Variants in CELF1 observed in about 807,000 individuals in gnomAD.
CELF1 encodes the protein CUGBP Elav-like family member 1, also known as 50 kDa nuclear polyadenylated RNA-binding protein.
A neutral mutation model predicts 61.8 loss-of-function variants in CELF1; 10 were observed. That is an observed-to-expected ratio of 0.16 (90% confidence interval 0.10 to 0.27). The LOEUF (loss-of-function observed/expected upper bound fraction) is 0.27. CELF1 is among the 10% of genes least tolerant of loss of function. The pLI is 1.00. For synonymous variants in CELF1, 236 were observed against 225.1 expected (o/e 1.05, Z -0.43); for missense variants, 380 against 639.1 (o/e 0.59, Z 4.37).
rs1427074519 is a variant in CELF1, at chr11:47,485,888, G to A, written c.391+862C>T. On this transcript the variant is annotated intron_variant, in intron 6 of 14. Transcript: ENST00000687097. ...ATCTTCTTGAGAATTAAGGCCAGGC[G>A]TGGTGGCTCACGCCTGTAATCCCAG... 3.4e-5 allele frequency among the ~76,000 whole-genome samples: 5 copies of A among 148,110 alleles called. No homozygotes were observed. In the East Asian group the frequency reaches 6.3e-4, roughly 19 times the overall value.
chr11:47,471,147 A>AG lies in CELF1; in HGVS notation c.*1082dup, dbSNP rs1595972620. On this transcript the variant is annotated 3_prime_UTR_variant, in exon 15 of 15. Transcript: ENST00000687097. Reference sequence around the variant, plus strand: ...TGGCAAATGAAGCATACTGGCTTGCAGGGACCTTCTGATTCAAGTACACCA... The same window carrying AG: ...TGGCAAATGAAGCATACTGGCTTGCAGGGGACCTTCTGATTCAAGTACACCA... 6.6e-6 allele frequency: 1 copy of AG among 152,260 alleles called. No homozygotes were observed. Among genetic ancestry groups the AG allele is most frequent in the East Asian group, 1.9e-4 (1 of 5,196 alleles). The allele number at this position is 152,260 out of a possible 1,614,324, so 9.4% of individuals were successfully genotyped here.
At chr11:47,556,635 C>G (rs1167557133), upstream of CELF1, among the ~76,000 whole-genome samples, 1 of 152,164 alleles carries the variant, frequency 6.6e-6, no homozygotes, top group Non-Finnish European at 1.5e-5. Context: ...ACCCTGGAGG[C>G]CAAGGCAGGA....
chr11:47,534,420 G>A (rs760217515), intron 1 of CELF1, among the ~76,000 whole-genome samples: 1 of 150,434 alleles, frequency 6.6e-6, no homozygotes, highest in Non-Finnish European at 1.5e-5. Context: ...AAATATATCA[G>A]ACACAAAATT....
intron 1 of CELF1, among the ~76,000 whole-genome samples, chr11:47,531,365 A>ATCCT (rs1209961971): frequency 1.2e-4 from 18 of 152,064 alleles, no homozygotes; most frequent in Non-Finnish European, 2.5e-4. Flanking sequence ...GTTACAAGAT[A>ATCCT]GAGACCATCC....
intron 1 of CELF1, among the ~76,000 whole-genome samples, chr11:47,547,382 T>C (rs1295040498): frequency 6.6e-6 from 1 of 151,840 alleles, no homozygotes; most frequent in African/African-American, 2.4e-5. Context: ...AACACAGCCA[T>C]AAAAGGAAAT....
At chr11:47,503,829 C>T (rs180843445) in intron 1 of CELF1, among the ~76,000 whole-genome samples, 107 of 152,290 alleles carry the variant, frequency 7.0e-4, no homozygotes, top group Admixed American at 3.1e-3. Context: ...ATCTCTGTGG[C>T]ATTTCACTTT....
chr11:47,526,432 C>T (rs1426737285), intron 1 of CELF1, among the ~76,000 whole-genome samples: 2 of 152,190 alleles, frequency 1.3e-5, no homozygotes, highest in Non-Finnish European at 2.9e-5. Flanking sequence ...GTGGTTTCAA[C>T]CTGAAATGTT....
rs538656170 is a variant in CELF1, at chr11:47,506,583, C to T, written c.-153-5651G>A. On this transcript the variant is annotated intron_variant, in intron 1 of 14. Coordinates refer to ENST00000687097, the MANE Select transcript of CELF1 (RefSeq NM_001376376.1). ...CTCCCGGCTCCCTCCAACATACACA[C>T]GCTCACCGCAACAGCTGTAAGAACT... 1.5e-4 allele frequency among the ~76,000 whole-genome samples: 23 copies of T among 152,340 alleles called. No individual in the cohort carries two copies. The South Asian group carries it at 1.7e-3, about 11-fold the overall frequency.
intron 1 of CELF1, among the ~76,000 whole-genome samples, chr11:47,531,187 C>T (rs2096460337): frequency 1.3e-5 from 2 of 152,050 alleles, no homozygotes; most frequent in Admixed American, 6.6e-5. Context: ...GTCGATGTTA[C>T]AGTGAGCTGA....
chr11:47,539,577 G>A (rs1365136807), intron 1 of CELF1, among the ~76,000 whole-genome samples: 4 of 152,214 alleles, frequency 2.6e-5, no homozygotes, highest in Admixed American at 1.3e-4. Flanking sequence ...TCCCTGACAA[G>A]ATGATTCTAA....
chr11:47,561,636 T>C (rs978079253), intron 2 of CELF1, among the ~76,000 whole-genome samples: 2 of 152,150 alleles, frequency 1.3e-5, no homozygotes, highest in African/African-American at 4.8e-5. Flanking sequence ...GGTTAAACAC[T>C]GTACTACCCT....
intron 1 of CELF1, among the ~76,000 whole-genome samples, chr11:47,518,605 G>A (rs1230786890): frequency 6.6e-6 from 1 of 152,144 alleles, no homozygotes; most frequent in South Asian, 2.1e-4. Context: ...GTAATATCTT[G>A]TCTCTCTCTC....
chr11:47,489,605 C>T (rs2089895732), intron 3 of CELF1, among the ~76,000 whole-genome samples: 1 of 152,158 alleles, frequency 6.6e-6, no homozygotes, highest in Non-Finnish European at 1.5e-5. Flanking sequence ...CAGACCAAAA[C>T]AGAGCTCCAC....
At chr11:47,543,117 AAAG>A (rs1267152170) in intron 1 of CELF1, among the ~76,000 whole-genome samples, 1 of 152,002 alleles carries the variant, frequency 6.6e-6, no homozygotes, top group Non-Finnish European at 1.5e-5. Context: ...CTCTAATGGA[AAAG>A]AAGGCCAGCA....
At chr11:47,475,571 G>A (rs1345161718) in intron 12 of CELF1, 50 bp from the exon 13 acceptor site, 6 of 1,575,750 alleles carry the variant, frequency 3.8e-6, no homozygotes, top group Non-Finnish European at 3.5e-6. Context: ...CTAAACTGAT[G>A]CCAAAGACAA....
At chr11:47,501,110 G>A (rs1040822955) in intron 1 of CELF1, among the ~76,000 whole-genome samples, 178 bp from the exon 2 acceptor site, 4 of 152,184 alleles carry the variant, frequency 2.6e-5, no homozygotes, top group Admixed American at 6.5e-5. Flanking sequence ...ATGTCCAGAC[G>A]TCATCATCCA....
intron 1 of CELF1, among the ~76,000 whole-genome samples, chr11:47,506,600 G>A (rs771311955): frequency 6.6e-6 from 1 of 152,244 alleles, no homozygotes; most frequent in Non-Finnish European, 1.5e-5. Context: ...CGCAACAGCT[G>A]TAAGAACTAG....
intron 1 of CELF1, among the ~76,000 whole-genome samples, chr11:47,544,866 G>A (rs1306107535): frequency 6.6e-6 from 1 of 152,044 alleles, no homozygotes; most frequent in Non-Finnish European, 1.5e-5. Flanking sequence ...GAAGGCTGAG[G>A]AAGGAAAATC....
At chr11:47,557,349 G>A (rs1178447695), upstream of CELF1, among the ~76,000 whole-genome samples, 3 of 149,844 alleles carry the variant, frequency 2.0e-5, no homozygotes, top group African/African-American at 7.4e-5. Flanking sequence ...CTCCCGGGTA[G>A]CTGGGACTAC....
Sources: gnomAD v4.1 joint callset for allele counts (sites outside exome capture counted in the v4.1 genomes callset) on GRCh38, gnomAD v4.1.1 for gene constraint, MANE v1.5 for transcripts, NCBI Gene and HGNC (gene_info 2026-07-23, HGNC 2026-07-21) for gene names.